DOK6: variants seen among roughly 807,000 people sequenced by gnomAD.
The protein encoded by DOK6 is downstream of tyrosine kinase 6.
In DOK6, 22 loss-of-function variants were observed where a neutral mutation model predicts 44.0. The observed-to-expected ratio is 0.50, with a 90% CI of 0.36 to 0.71. The LOEUF is 0.71. DOK6 is among the 30% of genes least tolerant of loss of function. The pLI is 0.00. For synonymous variants in DOK6, 166 were observed against 145.5 expected, an observed-to-expected ratio of 1.14 and a Z score of -1.01; for missense variants, 340 against 416.4, an observed-to-expected ratio of 0.82 and a Z score of 1.60.
At chr18:69,639,244 A>G (rs765733197) in intron 3 of DOK6, among the ~76,000 whole-genome samples, 1 of 152,184 alleles carries the variant, frequency 6.6e-6, no homozygotes, top group Non-Finnish European at 1.5e-5. Flanking sequence ...CTACTTCTAC[A>G]CTGTCTTAAA....
intron 4 of DOK6, among the ~76,000 whole-genome samples, chr18:69,682,359 A>G (rs1986063469): frequency 6.6e-6 from 1 of 152,208 alleles, no homozygotes; most frequent in Non-Finnish European, 1.5e-5. Flanking sequence ...AGTAGTACAG[A>G]CCTATAAGCA....
intron 1 of DOK6, among the ~76,000 whole-genome samples, chr18:69,531,892 T>C (rs957759751): frequency 9.2e-5 from 14 of 152,178 alleles, no homozygotes; most frequent in African/African-American, 3.1e-4. Context: ...GTTGAAGCCC[T>C]AATCCCCAAT....
intron 1 of DOK6, among the ~76,000 whole-genome samples, chr18:69,507,269 C>T (rs1400244356): frequency 3.3e-5 from 5 of 152,034 alleles, no homozygotes; most frequent in Non-Finnish European, 4.4e-5. Flanking sequence ...CCTTGTGATC[C>T]GCCCACCTCG....
chr18:69,465,495 C>T (rs1223658308), intron 1 of DOK6, among the ~76,000 whole-genome samples: 1 of 151,860 alleles, frequency 6.6e-6, no homozygotes, highest in Non-Finnish European at 1.5e-5. Context: ...TGTGATGTTC[C>T]CCTTCCTGTG....
chr18:69,676,251 T>C (rs1190537080), intron 3 of DOK6, among the ~76,000 whole-genome samples: 1 of 152,254 alleles, frequency 6.6e-6, no homozygotes, highest in East Asian at 1.9e-4. Context: ...CAGGATCCCA[T>C]GGGGAACTGC....
chr18:69,556,754 T>C (rs566188086), intron 1 of DOK6, among the ~76,000 whole-genome samples: 2 of 152,234 alleles, frequency 1.3e-5, no homozygotes, highest in African/African-American at 2.4e-5. Flanking sequence ...TACCTATCTA[T>C]TTAACAGCCA....
rs951712256 is a variant in DOK6, at chr18:69,757,929, T to C, written c.856+56T>C. 1.9e-5 allele frequency: 27 copies of C among 1,444,998 alleles called. No homozygotes were observed. The East Asian group carries it at 6.1e-4, about 33-fold the overall frequency. The allele number at this position is 1,444,998 out of a possible 1,614,324, so 89.5% of individuals were successfully genotyped here. A position where few individuals can be genotyped will look rare whatever the true frequency, so the allele number is the denominator to read the frequency against. The stretch of plus-strand genomic sequence containing the variant: ...CTCCATAAGCTTCCTCCAGGTGGAC[T>C]GAGTCATGCAAATTGCTTTGTATTT... On this transcript the variant is annotated intron_variant, in intron 7 of 7. Coordinates refer to ENST00000382713, the MANE Select transcript of DOK6 (RefSeq NM_152721.6).
intron 3 of DOK6, among the ~76,000 whole-genome samples, chr18:69,632,016 C>T (rs750281984): frequency 6.6e-6 from 1 of 152,128 alleles, no homozygotes; most frequent in Non-Finnish European, 1.5e-5. Context: ...GACTACATGA[C>T]TATTGAATAA....
chr18:69,628,492 AAT>A (rs150404944), intron 3 of DOK6, among the ~76,000 whole-genome samples: 39 of 148,884 alleles, frequency 2.6e-4, no homozygotes, highest in Non-Finnish European at 2.4e-4. Context: ...TCTGTCTCAA[AAT>A]ATATATATAT....
At chr18:69,762,718 G>T (rs915036255) in intron 7 of DOK6, among the ~76,000 whole-genome samples, 1 of 152,156 alleles carries the variant, frequency 6.6e-6, no homozygotes, top group Non-Finnish European at 1.5e-5. Context: ...AATGCATGGC[G>T]TGGTAACAAA....
intron 1 of DOK6, among the ~76,000 whole-genome samples, chr18:69,466,173 C>G (rs2122481205): frequency 6.6e-6 from 1 of 152,214 alleles, no homozygotes; most frequent in East Asian, 1.9e-4. Flanking sequence ...TATTCCTCCG[C>G]CCCTCCCTCC....
chr18:69,614,894 A>T (rs1984249078), intron 3 of DOK6, among the ~76,000 whole-genome samples: 1 of 151,964 alleles, frequency 6.6e-6, no homozygotes, highest in Non-Finnish European at 1.5e-5. Context: ...TTATTCGGAA[A>T]TCCTTTTGAA....
intron 4 of DOK6, 144 bp from the exon 5 acceptor site, chr18:69,698,260 A>C (rs1986431495): frequency 3.1e-6 from 2 of 642,212 alleles, no homozygotes; most frequent in Admixed American, 3.5e-5. Context: ...GAAATATGTC[A>C]TGTTCTACAA....
At chr18:69,697,633 A>AG (rs1244510276) in intron 4 of DOK6, among the ~76,000 whole-genome samples, 1 of 152,126 alleles carries the variant, frequency 6.6e-6, no homozygotes, top group Non-Finnish European at 1.5e-5. Context: ...TTCAAAAAAA[A>AG]AAATCTATTT....
intron 7 of DOK6, among the ~76,000 whole-genome samples, chr18:69,799,954 G>T (rs1232568684): frequency 1.3e-5 from 2 of 151,922 alleles, no homozygotes; most frequent in Non-Finnish European, 2.9e-5. Context: ...TCTTTCAAGG[G>T]GTGGGAATCG....
At chr18:69,681,110 A>G (rs966555878) in intron 4 of DOK6, among the ~76,000 whole-genome samples, 57 of 152,344 alleles carry the variant, frequency 3.7e-4, no homozygotes, top group African/African-American at 1.3e-3. Context: ...CTGAATCTTC[A>G]TCAGGAACAT....
At chr18:69,613,406 C>G (rs1382959094) in intron 3 of DOK6, among the ~76,000 whole-genome samples, 1 of 152,040 alleles carries the variant, frequency 6.6e-6, no homozygotes, top group Non-Finnish European at 1.5e-5. Flanking sequence ...GAGTATGTCC[C>G]AGTCTCAAGG....
At chr18:69,601,588 G>A (rs1022491909) in intron 3 of DOK6, among the ~76,000 whole-genome samples, 3 of 152,156 alleles carry the variant, frequency 2.0e-5, no homozygotes, top group Admixed American at 2.0e-4. Flanking sequence ...CCAGGGGCTG[G>A]AGTCAGAGCA....
chr18:69,568,540 C>T (rs146585519), intron 2 of DOK6, among the ~76,000 whole-genome samples: 115 of 152,316 alleles, frequency 7.6e-4, no homozygotes, highest in African/African-American at 2.6e-3. Context: ...GATGTAGTCA[C>T]ACCAAAGCAA....
Sources: gnomAD v4.1 joint callset for allele counts (sites outside exome capture counted in the v4.1 genomes callset) on GRCh38, gnomAD v4.1.1 for gene constraint, MANE v1.5 for transcripts, NCBI Gene and HGNC (gene_info 2026-07-23, HGNC 2026-07-21) for gene names.